Variants in MGAT4A observed in about 807,000 individuals in gnomAD.
MGAT4A encodes N-acetylglucosaminyltransferase IVa.
In MGAT4A, 33 loss-of-function variants were observed where a neutral mutation model predicts 74.1. That is an observed-to-expected ratio of 0.45 (90% confidence interval 0.34 to 0.60). The LOEUF (loss-of-function observed/expected upper bound fraction) is 0.60, where lower values mean the gene tolerates loss of function less well. MGAT4A is among the 20% of genes least tolerant of loss of function. The pLI is 0.02. For missense variants in MGAT4A, 479 were observed against 628.3 expected, an observed-to-expected ratio of 0.76 and a Z score of 2.54; for synonymous variants, 198 against 210.4, an observed-to-expected ratio of 0.94 and a Z score of 0.51.
At chr2:98,657,170 A>C (rs890645886) in intron 6 of MGAT4A, among the ~76,000 whole-genome samples, 1 of 152,218 alleles carries the variant, frequency 6.6e-6, no homozygotes, top group Admixed American at 6.5e-5. Context: ...GTCTGTACTG[A>C]CTGAATTGCA....
intron 2 of MGAT4A, among the ~76,000 whole-genome samples, chr2:98,720,459 C>T (rs375585090): frequency 9.1e-4 from 139 of 152,330 alleles, no homozygotes; most frequent in African/African-American, 3.2e-3. Flanking sequence ...GGGACTTTCA[C>T]CATTGGCTCC....
At chr2:98,697,412 T>C (rs1702292618) in intron 2 of MGAT4A, among the ~76,000 whole-genome samples, 1 of 152,184 alleles carries the variant, frequency 6.6e-6, no homozygotes, top group Admixed American at 6.5e-5. Context: ...CAGGGGTTGG[T>C]GTGACTATCG....
intron 2 of MGAT4A, among the ~76,000 whole-genome samples, chr2:98,705,281 A>G (rs1010608287): frequency 2.6e-5 from 4 of 152,198 alleles, no homozygotes; most frequent in African/African-American, 9.7e-5. Context: ...TGTCAGGTAC[A>G]GAGGTCATAA....
chr2:98,654,031 T>C (rs943765117), intron 8 of MGAT4A, among the ~76,000 whole-genome samples: 4 of 152,040 alleles, frequency 2.6e-5, no homozygotes, highest in African/African-American at 4.8e-5. Context: ...GTGTAACATA[T>C]ACTACATTAA....
intron 2 of MGAT4A, among the ~76,000 whole-genome samples, chr2:98,700,097 G>A (rs1488273093): frequency 6.6e-6 from 1 of 151,906 alleles, no homozygotes; most frequent in African/African-American, 2.4e-5. Context: ...GGAACTTTCT[G>A]AGCAAGTGCG....
chr2:98,650,733 C>A (rs953181789), intron 8 of MGAT4A, among the ~76,000 whole-genome samples: 1 of 152,092 alleles, frequency 6.6e-6, no homozygotes, highest in African/African-American at 2.4e-5. Flanking sequence ...GGTGGATCAC[C>A]TGAGGTCAGG....
rs1018730383 is a variant in MGAT4A at position 98,623,685 on chromosome 2, T to G, written c.*1881A>C. ...CATTTTTGGCAATGTGATTGACTTT[T>G]CAATCAAGAAAAGTAACTAAAAATT... On this transcript the variant is annotated 3_prime_UTR_variant, in exon 16 of 16. Transcript: ENST00000393487. The G allele has an allele frequency of 1.9e-4, 190 of 985,310 alleles. No homozygotes were observed. Among genetic ancestry groups the G allele is most frequent in the Non-Finnish European group, 2.2e-4 (184 of 829,912 alleles). 61.0% of individuals were successfully genotyped at this position (985,310 alleles called of 1,614,324 possible).
chr2:98,696,884 T>G (rs1702282257), intron 2 of MGAT4A, among the ~76,000 whole-genome samples: 1 of 152,252 alleles, frequency 6.6e-6, no homozygotes, highest in African/African-American at 2.4e-5. Flanking sequence ...TTCTAAGGTT[T>G]ATTGATATCT....
chr2:98,714,261 A>G (rs1389461242), intron 2 of MGAT4A, among the ~76,000 whole-genome samples: 2 of 151,936 alleles, frequency 1.3e-5, no homozygotes, highest in Non-Finnish European at 2.9e-5. Context: ...AATTTTTTGT[A>G]TTTTTAGTAG....
chr2:98,726,649 C>T (rs1295319874), intron 1 of MGAT4A, 82 bp from the exon 2 acceptor site: 1 of 317,294 alleles, frequency 3.2e-6, no homozygotes, highest in Non-Finnish European at 5.7e-6. Context: ...TCATTATAAA[C>T]AGACTTTTGG....
At chr2:98,651,865 T>C (rs897170621) in intron 8 of MGAT4A, among the ~76,000 whole-genome samples, 2 of 151,812 alleles carry the variant, frequency 1.3e-5, no homozygotes, top group Non-Finnish European at 2.9e-5. Flanking sequence ...AGTGAAAGAA[T>C]GAAAAAAGAT....
intron 2 of MGAT4A, among the ~76,000 whole-genome samples, chr2:98,713,843 A>G (rs938890684): frequency 1.3e-5 from 2 of 152,252 alleles, no homozygotes; most frequent in Admixed American, 6.5e-5. Flanking sequence ...ACAAACAGTA[A>G]TATATTGACC....
At chr2:98,633,934 A>G (rs181641806) in intron 14 of MGAT4A, among the ~76,000 whole-genome samples, 23 of 152,368 alleles carry the variant, frequency 1.5e-4, no homozygotes, top group Non-Finnish European at 5.9e-5. Flanking sequence ...TAAAGAAAGT[A>G]GCCAGGGTTA....
intron 5 of MGAT4A, among the ~76,000 whole-genome samples, chr2:98,661,968 C>T (rs539936153): frequency 4.6e-4 from 70 of 152,178 alleles, no homozygotes; most frequent in Non-Finnish European, 8.1e-4. Context: ...AGACATTTTA[C>T]AAAATAACTG....
chr2:98,663,043 T>TA lies in MGAT4A; in HGVS notation c.537+2dup. ...AAAAACATAACAACAATTAAATAATTACCTCTCCTATGAAGACTACTATAA... is the reference window on the plus strand; with the variant it reads ...AAAAACATAACAACAATTAAATAATTAACCTCTCCTATGAAGACTACTATAA... On this transcript the variant is annotated splice_region_variant and intron_variant, in intron 5 of 15. Transcript: ENST00000393487. 6.7e-7 allele frequency: 1 copy of TA among 1,483,086 alleles called. No individual in the cohort carries two copies. The highest frequency in any genetic ancestry group is 9.1e-7 in the Non-Finnish European group (1 of 1,104,968). The allele number at this position is 1,483,086 out of a possible 1,614,324, so 91.9% of individuals were successfully genotyped here.
intron 4 of MGAT4A, among the ~76,000 whole-genome samples, chr2:98,673,307 A>G (rs534640400): frequency 1.1e-3 from 174 of 152,194 alleles, no homozygotes; most frequent in African/African-American, 3.7e-3. Flanking sequence ...TCTAAGAAAC[A>G]GAAGTTCTGA....
chr2:98,716,602 G>A lies in MGAT4A; in HGVS notation c.94+9637C>T, dbSNP rs151022135. ...ATTGCACCACTGCACTCCAGCCTGG[G>A]CTACAGAGCGAAACTCCATCTCAGA... is the stretch of plus-strand genomic sequence containing the variant. On this transcript the variant is annotated intron_variant, in intron 2 of 15. Transcript: ENST00000393487. Among the ~76,000 whole-genome samples the A allele has an allele frequency of 2.2e-3, 342 of 152,304 alleles. 5 individuals carry two copies. Among genetic ancestry groups the A allele is most frequent in the East Asian group, 3.1e-3 (16 of 5,182 alleles).
chr2:98,693,111 T>C (rs141620785), intron 2 of MGAT4A, among the ~76,000 whole-genome samples: 1 of 152,222 alleles, frequency 6.6e-6, no homozygotes, highest in East Asian at 1.9e-4. Context: ...ACAGCAAATT[T>C]CTCATCAGAA....
At chr2:98,627,379 CT>C (rs60739877) in intron 14 of MGAT4A, among the ~76,000 whole-genome samples, 7 of 149,786 alleles carry the variant, frequency 4.7e-5, no homozygotes, top group Admixed American at 3.3e-4. Flanking sequence ...AACTAGTTTT[CT>C]TTTTTTTTTC....
Sources: allele counts gnomAD v4.1 joint callset (sites outside exome capture counted in the v4.1 genomes callset), GRCh38; gene constraint gnomAD v4.1.1; transcripts MANE v1.5; gene names NCBI Gene and HGNC (gene_info 2026-07-23, HGNC 2026-07-21).